ACP3: variants seen among roughly 807,000 people sequenced by gnomAD.
The protein encoded by ACP3 is acid phosphatase 3.
Under a neutral mutation model 45.6 loss-of-function variants are expected in ACP3, and 38 were observed. That is an observed-to-expected ratio of 0.83 (90% CI 0.64 to 1.09). The LOEUF is 1.09. ACP3 is among the 50% of genes least tolerant of loss of function. The pLI, the probability that ACP3 is intolerant of heterozygous loss-of-function variation, is 0.00. For missense variants in ACP3, 466 were observed against 463.2 expected (o/e 1.01, Z -0.05); for synonymous variants, 162 against 164.7 (o/e 0.98, Z 0.13).
chr3:132,332,435 A>G lies in ACP3; in HGVS notation c.456+91A>G, dbSNP rs969636471. ...CAGTTGTGGATTTGGGAGTCTGGAC[A>G]CTCCTTGAGCTGTGCAGTTTTAATT... On this transcript the variant is annotated intron_variant, in intron 4 of 9. Coordinates refer to ENST00000336375, the MANE Select transcript of ACP3 (RefSeq NM_001099.5). 2.8e-6 allele frequency: 4 copies of G among 1,408,164 alleles called. No homozygotes were observed. In the African/African-American group the frequency reaches 4.3e-5, roughly 15 times the overall value. The allele number at this position is 1,408,164 out of a possible 1,614,324, so 87.2% of individuals were successfully genotyped here.
rs532478285 is a variant in ACP3 at position 132,366,404 on chromosome 3, A to T, written c.1139-1300A>T. On this transcript the variant is annotated intron_variant, in intron 10 of 10. Coordinates refer to the ACP3 transcript ENST00000351273. ...GCAAAAGACGATGGTGGTTCAAAGC[A>T]GGGTGGTGGCAGAGAAGAAAAGAAG... 1.2e-4 allele frequency among the ~76,000 whole-genome samples: 18 copies of T among 152,332 alleles called. No homozygotes were observed. In the South Asian group the frequency reaches 3.5e-3, roughly 30 times the overall value.
At chr3:132,332,735 A>T (rs1357238380) in intron 4 of ACP3, 1 of 178,014 alleles carries the variant, frequency 5.6e-6, no homozygotes, top group Non-Finnish European at 1.2e-5. Context: ...TATTTATACC[A>T]CCAAACACTC....
At chr3:132,343,412 C>T (rs985987632) in intron 6 of ACP3, among the ~76,000 whole-genome samples, 2 of 152,230 alleles carry the variant, frequency 1.3e-5, no homozygotes, top group Non-Finnish European at 2.9e-5. Flanking sequence ...GACCCAATCA[C>T]ATGCTACTTT....
downstream of ACP3, among the ~76,000 whole-genome samples, chr3:132,362,762 A>T (rs1938066098): frequency 6.6e-6 from 1 of 152,242 alleles, no homozygotes; most frequent in South Asian, 2.1e-4. Flanking sequence ...AGGAGAATGC[A>T]TAAAGGCCAA....
chr3:132,321,015 G>A (rs1937197651), intron 1 of ACP3, among the ~76,000 whole-genome samples: 1 of 152,048 alleles, frequency 6.6e-6, no homozygotes, highest in South Asian at 2.1e-4. Flanking sequence ...TACTGGAATG[G>A]GTAACTTCCA....
Position 132,355,768 on chromosome 3 carries a change from G to C in ACP3, c.969-918G>C, listed in dbSNP as rs184907447. ...CCTGACCTCGTGATCCACCCGCCTC[G>C]ACCTCCCAAAGTGCTGGGATTACAG... On this transcript the variant is annotated intron_variant, in intron 9 of 9. Coordinates refer to ENST00000336375, the MANE Select transcript of ACP3 (RefSeq NM_001099.5). Among the ~76,000 whole-genome samples the C allele has an allele frequency of 7.9e-5, 12 of 152,230 alleles. No individual in the cohort carries two copies. In the East Asian group the frequency reaches 2.3e-3, roughly 29 times the overall value.
At chr3:132,359,473 A>G (rs976212694), downstream of ACP3, among the ~76,000 whole-genome samples, 2 of 152,060 alleles carry the variant, frequency 1.3e-5, no homozygotes, top group Non-Finnish European at 2.9e-5. Flanking sequence ...GCGCCACTGC[A>G]CTCCAGCCTG....
In ACP3 at chr3:132,317,546, A is replaced by G. The variant is rs1937131726; in HGVS notation, c.90A>G (p.Val30=). 6 of 1,613,148 alleles carry G rather than the reference A, an allele frequency of 3.7e-6. No homozygotes were observed. The African/African-American group carries it at 5.3e-5, about 14-fold the overall frequency. The change falls in exon 1 of 10, where the codon GTA becomes GTG. Residue 30 remains valine (V), a synonymous_variant. Transcript: ENST00000336375. ...TTTTTTTCTGGCTAGACCGAAGTGT[A>G]CTAGCCAAGGAGTTGAAGTTTGTGA... is the stretch of plus-strand genomic sequence containing the variant. ...FLLFFWLDRS[V]LAKELKFVTL... is the part of the protein sequence containing the mutation.
chr3:132,350,054 T>G, intron 8 of ACP3, 52 bp downstream of exon 8: 1 of 1,284,704 alleles, frequency 7.8e-7, no homozygotes, highest in Admixed American at 1.7e-5. Flanking sequence ...GTGTGATCTC[T>G]TGAAGCACAG....
In ACP3 at chr3:132,352,210, T is replaced by C. The variant is rs149499646; in HGVS notation, c.865-510T>C. On this transcript the variant is annotated intron_variant, in intron 8 of 9. Coordinates refer to ENST00000336375, the MANE Select transcript of ACP3 (RefSeq NM_001099.5). The stretch of plus-strand genomic sequence containing the variant: ...TTTATTATTATTTTTAAAATTATTT[T>C]ATTTTATCGAGATGGAGTCCCGCTC... Among the ~76,000 whole-genome samples the C allele has an allele frequency of 7.2e-3, 1,091 of 152,216 alleles. 21 individuals are homozygous for C. Among genetic ancestry groups the C allele is most frequent in the African/African-American group, 0.025 (1,022 of 41,548 alleles).
chr3:132,366,471 C>G (rs1225221583), intron 10 of ACP3, among the ~76,000 whole-genome samples: 2 of 152,070 alleles, frequency 1.3e-5, no homozygotes, highest in Non-Finnish European at 2.9e-5. Flanking sequence ...AATAGGATTT[C>G]CTGATAGTGT....
At chr3:132,344,884 A>C in intron 6 of ACP3, 43 bp from the exon 7 acceptor site, 1 of 1,604,520 alleles carries the variant, frequency 6.2e-7, no homozygotes, top group South Asian at 1.1e-5. Flanking sequence ...GAGGACAGTC[A>C]TATAAATACA....
chr3:132,342,214 T>C (rs1302842471), intron 5 of ACP3, among the ~76,000 whole-genome samples: 1 of 152,234 alleles, frequency 6.6e-6, no homozygotes, highest in Non-Finnish European at 1.5e-5. Context: ...TTAAATGTAA[T>C]AATAAGGAAT....
intron 7 of ACP3, 44 bp from the exon 8 acceptor site, chr3:132,349,876 G>A (rs1559840184): frequency 7.3e-7 from 1 of 1,361,856 alleles, no homozygotes; most frequent in African/African-American, 1.4e-5. Context: ...TAAAATAGAA[G>A]CTTATGTTTG....
chr3:132,343,301 C>T (rs1014456261), intron 6 of ACP3, among the ~76,000 whole-genome samples: 1 of 152,166 alleles, frequency 6.6e-6, no homozygotes, highest in Non-Finnish European at 1.5e-5. Context: ...TGACTTCTAA[C>T]TTTGAGGTCA....
chr3:132,358,371 A>C lies in ACP3; in HGVS notation c.*1493A>C. ...CGTTAGGAGGACAAAAGGAATGTGT[A>C]AGTCTTTAATGCCGATATCTTCAGA... On this transcript the variant is annotated 3_prime_UTR_variant, in exon 10 of 10. Transcript: ENST00000336375. The C allele has an allele frequency of 8.2e-7, 1 of 1,216,640 alleles. No individual in the cohort carries two copies. The highest frequency in any genetic ancestry group is 2.6e-5 in the Admixed American group (1 of 38,080). The allele number at this position is 1,216,640 out of a possible 1,614,324, so 75.4% of individuals were successfully genotyped here.
chr3:132,351,596 G>A (rs1937740551), intron 8 of ACP3, among the ~76,000 whole-genome samples: 1 of 152,222 alleles, frequency 6.6e-6, no homozygotes, highest in South Asian at 2.1e-4. Context: ...CTGGGCAGGA[G>A]CAGAGTGCTT....
intron 1 of ACP3, among the ~76,000 whole-genome samples, chr3:132,318,518 A>G (rs1199336362): frequency 6.6e-6 from 1 of 150,486 alleles, no homozygotes; most frequent in Admixed American, 6.6e-5. Flanking sequence ...TTTTTTCAGC[A>G]TGGGATATTC....
chr3:132,342,801 C>T (rs1937567208), intron 6 of ACP3, among the ~76,000 whole-genome samples, 157 bp downstream of exon 6: 1 of 152,190 alleles, frequency 6.6e-6, no homozygotes, highest in Non-Finnish European at 1.5e-5. Flanking sequence ...CTTATATTAA[C>T]TTGAAAATGC....
Sources: allele counts gnomAD v4.1 joint callset (sites outside exome capture counted in the v4.1 genomes callset), GRCh38; gene constraint gnomAD v4.1.1; transcripts MANE v1.5; gene names NCBI Gene and HGNC (gene_info 2026-07-23, HGNC 2026-07-21).